Variants in STYK1 observed in about 807,000 individuals in gnomAD.
The protein encoded by STYK1 is tyrosine-protein kinase STYK1.
Under a neutral mutation model 48.1 loss-of-function variants are expected in STYK1, and 46 were observed. The ratio of observed to expected loss-of-function variants is 0.96; its 90% confidence interval spans 0.75 to 1.22. The LOEUF is 1.22. Among genes scored for constraint, STYK1 ranks in the 50% most tolerant of loss-of-function variants. The pLI, the probability that STYK1 is intolerant of heterozygous loss-of-function variation, is 0.00. For synonymous variants in STYK1, 188 were observed against 189.0 expected, an observed-to-expected ratio of 0.99 and a Z score of 0.04; for missense variants, 527 against 521.1, an observed-to-expected ratio of 1.01 and a Z score of -0.11.
chr12:10,665,793 C>T (rs1301474115), intron 1 of STYK1, among the ~76,000 whole-genome samples: 1 of 152,126 alleles, frequency 6.6e-6, no homozygotes, highest in Admixed American at 6.5e-5. Flanking sequence ...TCTTCCTCAG[C>T]CAGAACTCAC....
intron 8 of STYK1, among the ~76,000 whole-genome samples, chr12:10,623,961 T>C (rs1401258596): frequency 6.6e-6 from 1 of 152,316 alleles, no homozygotes; most frequent in Middle Eastern, 3.4e-3. Flanking sequence ...AAATAAGTTA[T>C]TGAAGGTATG....
intron 1 of STYK1, among the ~76,000 whole-genome samples, chr12:10,654,691 G>A (rs1338092786): frequency 1.3e-5 from 2 of 152,134 alleles, no homozygotes; most frequent in African/African-American, 4.8e-5. Context: ...TTGAGTTTGA[G>A]GCCCAATTTA....
chr12:10,652,062 G>T (rs1450077140), intron 1 of STYK1, among the ~76,000 whole-genome samples: 1 of 152,144 alleles, frequency 6.6e-6, no homozygotes. Context: ...ATCAGAATCA[G>T]ACTCTGGGAA....
At chr12:10,634,953 T>C (rs986147559) in intron 2 of STYK1, among the ~76,000 whole-genome samples, 4 of 152,194 alleles carry the variant, frequency 2.6e-5, no homozygotes, top group Non-Finnish European at 5.9e-5. Flanking sequence ...TTACTGAAAT[T>C]ATTTTAAAGT....
intron 1 of STYK1, among the ~76,000 whole-genome samples, chr12:10,656,716 G>A (rs950414119): frequency 6.6e-6 from 1 of 152,170 alleles, no homozygotes; most frequent in Non-Finnish European, 1.5e-5. Flanking sequence ...ATACACATGA[G>A]GGGATCTAAG....
chr12:10,639,015 G>T (rs1947515483), intron 1 of STYK1, among the ~76,000 whole-genome samples: 1 of 152,206 alleles, frequency 6.6e-6, no homozygotes, highest in African/African-American at 2.4e-5. Flanking sequence ...TGGGGCAGAG[G>T]ACTCAAAGAC....
chr12:10,642,352 C>T (rs1947554640), intron 1 of STYK1, among the ~76,000 whole-genome samples: 1 of 152,166 alleles, frequency 6.6e-6, no homozygotes, highest in Admixed American at 6.5e-5. Context: ...CGTATTTTAA[C>T]TTTGTGAAGG....
At position 10,672,982 on chromosome 12, in the gene STYK1, C is replaced by T. The variant is rs1947905680; in HGVS notation, c.-195+984G>A. ...TTCAGTTGAGCTGTGCTGCACATTA[C>T]AGTAACTCGACTCCTTTATTGCCAC... On this transcript the variant is annotated intron_variant, in intron 1 of 10. Coordinates refer to ENST00000075503, the MANE Select transcript of STYK1 (RefSeq NM_018423.3). The surrounding 1 kb of genome is among the most constrained non-coding windows in gnomAD (Gnocchi z 4.0). Among the ~76,000 whole-genome samples, 1 of 152,086 alleles carries T rather than the reference C, an allele frequency of 6.6e-6. No individual in the cohort carries two copies. The highest frequency in any genetic ancestry group is 6.5e-5 in the Admixed American group (1 of 15,282).
rs550549736 is a variant in STYK1, at chr12:10,619,603, G to A, written c.*541C>T. ...TAAGGTGAAACTCAGAGGTTTTTCC[G>A]TTATAGTTCTCCTCCAACCCCACAT... On this transcript the variant is annotated 3_prime_UTR_variant, in exon 11 of 11. Coordinates refer to ENST00000075503, the MANE Select transcript of STYK1 (RefSeq NM_018423.3). 1.2e-4 allele frequency: 19 copies of A among 159,196 alleles called. No homozygotes were observed. In the South Asian group the frequency reaches 1.8e-3, roughly 15 times the overall value. The allele number at this position is 159,196 out of a possible 1,614,324, so 9.9% of individuals were successfully genotyped here.
At chr12:10,667,030 A>T (rs1165538838) in intron 1 of STYK1, among the ~76,000 whole-genome samples, 1 of 152,218 alleles carries the variant, frequency 6.6e-6, no homozygotes, top group African/African-American at 2.4e-5. Context: ...GTCTTACTAG[A>T]ATTCTAACTT....
intron 1 of STYK1, among the ~76,000 whole-genome samples, chr12:10,646,936 G>T (rs1336730858): frequency 1.3e-5 from 2 of 152,234 alleles, no homozygotes; most frequent in African/African-American, 4.8e-5. Flanking sequence ...GTACACAGAA[G>T]TCAAGAATTA....
At chr12:10,636,788 A>G (rs1007969654) in intron 2 of STYK1, among the ~76,000 whole-genome samples, 1 of 152,152 alleles carries the variant, frequency 6.6e-6, no homozygotes, top group African/African-American at 2.4e-5. Flanking sequence ...GGTTCTCAGC[A>G]CACTCTCTCT....
chr12:10,626,149 A>G (rs1281534921), intron 7 of STYK1, among the ~76,000 whole-genome samples: 1 of 152,180 alleles, frequency 6.6e-6, no homozygotes, highest in African/African-American at 2.4e-5. Context: ...AAAATAAGAA[A>G]TTATAGTGCC....
intron 1 of STYK1, among the ~76,000 whole-genome samples, chr12:10,661,496 T>A (rs1947776618): frequency 6.6e-6 from 1 of 152,226 alleles, no homozygotes; most frequent in Admixed American, 6.5e-5. Context: ...ATTCCTTAAC[T>A]GATATTTGTC....
chr12:10,640,401 G>A (rs975580278), intron 1 of STYK1, among the ~76,000 whole-genome samples: 6 of 151,694 alleles, frequency 4.0e-5, no homozygotes, highest in Non-Finnish European at 8.8e-5. Context: ...TAGATAACTT[G>A]CCTTATGCCC....
At chr12:10,661,950 A>G (rs1404240794) in intron 1 of STYK1, among the ~76,000 whole-genome samples, 1 of 152,134 alleles carries the variant, frequency 6.6e-6, no homozygotes, top group East Asian at 1.9e-4. Context: ...AACCATCACC[A>G]CTACCTTATT....
chr12:10,664,060 A>C (rs549032431), intron 1 of STYK1, among the ~76,000 whole-genome samples: 1 of 152,324 alleles, frequency 6.6e-6, no homozygotes, highest in Middle Eastern at 3.4e-3. Context: ...CGGGCAACAA[A>C]TGCCTCCCAG....
chr12:10,627,901 T>A (rs555672990), intron 6 of STYK1, among the ~76,000 whole-genome samples, 177 bp from the exon 7 acceptor site: 1 of 152,270 alleles, frequency 6.6e-6, no homozygotes, highest in East Asian at 1.9e-4. Context: ...CATAAAATGA[T>A]CCATTGGACT....
intron 1 of STYK1, among the ~76,000 whole-genome samples, chr12:10,664,198 T>G (rs1947810792): frequency 6.6e-6 from 1 of 152,192 alleles, no homozygotes; most frequent in African/African-American, 2.4e-5. Flanking sequence ...GTTGTCTTGG[T>G]GTCAGAACCC....
Sources: allele counts gnomAD v4.1 joint callset (sites outside exome capture counted in the v4.1 genomes callset), GRCh38; gene constraint gnomAD v4.1.1; non-coding constraint Gnocchi (gnomAD v3.1); transcripts MANE v1.5; gene names NCBI Gene and HGNC (gene_info 2026-07-23, HGNC 2026-07-21).